The following COL12A1 variants were observed in gnomAD, a reference collection of about 807,000 sequenced individuals.
COL12A1 encodes collagen alpha-1(XII) chain.
In COL12A1, 114 loss-of-function variants were observed where a neutral mutation model predicts 349.7. That is an observed-to-expected ratio of 0.33 (90% CI 0.28 to 0.38). COL12A1 has a LOEUF of 0.38. Among genes scored for constraint, COL12A1 ranks in the 10% least tolerant of loss-of-function variants. The pLI is 1.00. For missense variants in COL12A1, 3,284 were observed against 3,756.9 expected (o/e 0.87, Z 3.29); for synonymous variants, 1,369 against 1,329.0 (o/e 1.03, Z -0.66).
chr6:75,117,620 T>A (rs1297437173), intron 46 of COL12A1, 74 bp from the exon 47 acceptor site: 6 of 1,500,704 alleles, frequency 4.0e-6, no homozygotes, highest in East Asian at 4.6e-5. Flanking sequence ...TGCAAAAAAA[T>A]TCTTATCAGA....
intron 8 of COL12A1, among the ~76,000 whole-genome samples, chr6:75,188,102 A>C (rs547394481): frequency 6.6e-6 from 1 of 152,286 alleles, no homozygotes; most frequent in East Asian, 1.9e-4. Context: ...CTTAAAGAAA[A>C]GAGTAAATCA....
intron 31 of COL12A1, among the ~76,000 whole-genome samples, chr6:75,136,431 T>C (rs903285721): frequency 1.3e-5 from 2 of 152,196 alleles, no homozygotes; most frequent in African/African-American, 4.8e-5. Flanking sequence ...GGAAGGTTTC[T>C]GATTCAGCTA....
chr6:75,182,050 T>G (rs1769334845), intron 10 of COL12A1, among the ~76,000 whole-genome samples: 1 of 148,414 alleles, frequency 6.7e-6, no homozygotes. Flanking sequence ...GAGCATAGAT[T>G]GCACCACTGC....
chr6:75,118,618 A>T (rs1225384593), intron 46 of COL12A1, among the ~76,000 whole-genome samples: 1 of 152,180 alleles, frequency 6.6e-6, no homozygotes, highest in Non-Finnish European at 1.5e-5. Flanking sequence ...AATACTCCTT[A>T]TTTGCAACAT....
chr6:75,180,569 T>TAC (rs1769208689), intron 11 of COL12A1, among the ~76,000 whole-genome samples: 1 of 151,922 alleles, frequency 6.6e-6, no homozygotes, highest in South Asian at 2.1e-4. Flanking sequence ...TACCTATATA[T>TAC]ACATATATAT....
chr6:75,188,211 G>A (rs905853968), intron 8 of COL12A1, 151 bp downstream of exon 8: 7 of 747,922 alleles, frequency 9.4e-6, no homozygotes, highest in Non-Finnish European at 1.4e-5. Context: ...GTATCAACAA[G>A]TTGAGTTGCT....
chr6:75,138,931 A>T lies in COL12A1; in HGVS notation c.4988T>A (p.Ile1663Asn). Residue 1663 changes from isoleucine (I) to asparagine (N), a missense_variant, in exon 28 of 66, where the codon ATT (isoleucine) becomes AAT (asparagine). By Grantham distance (149) the Ile-to-Asn change is moderately radical. Coordinates refer to ENST00000322507, the MANE Select transcript of COL12A1 (RefSeq NM_004370.6). ...RPVPAPTNLKITEVTSEGFRG... is the reference protein window; with the variant it reads ...RPVPAPTNLKNTEVTSEGFRG... ...GAAACCCTCTGATGTTACTTCAGTA[A>T]TCTTTAAGTTTGTTGGGGCTGGCAC... 1 of 1,614,066 alleles carries T rather than the reference A, an allele frequency of 6.2e-7. No individual in the cohort carries two copies.
At position 75,097,289 on chromosome 6, in the gene COL12A1, G is replaced by A. The variant is rs1768091831; in HGVS notation, c.8541C>T (p.Asp2847=). The change falls in exon 59 of 66, where the codon GAC becomes GAT. Residue 2847 remains aspartate (D), a synonymous_variant. Transcript: ENST00000322507. ...GTGGGCCCCTGGGTCCCATTGCACC[G>A]TCTTTTCCAGTGAAGCCCTATTGTA... ...PPGDRGFTGK[D]GAMGPRGPPG... is the part of the protein sequence containing the mutation. The A allele has an allele frequency of 1.2e-6, 2 of 1,613,460 alleles. No homozygotes were observed. Among genetic ancestry groups the A allele is most frequent in the African/African-American group, 2.7e-5 (2 of 74,878 alleles).
chr6:75,124,950 A>G (rs1765939988), intron 40 of COL12A1, among the ~76,000 whole-genome samples, 177 bp downstream of exon 40: 1 of 152,158 alleles, frequency 6.6e-6, no homozygotes, highest in Admixed American at 6.6e-5. Flanking sequence ...ATTTTTATAT[A>G]CTCAATTATA....
intron 34 of COL12A1, 125 bp downstream of exon 34, chr6:75,133,168 T>C: frequency 2.3e-6 from 2 of 865,406 alleles, no homozygotes; most frequent in Non-Finnish European, 3.3e-6. Flanking sequence ...AAACTATGGC[T>C]AATTTTTATG....
intron 13 of COL12A1, among the ~76,000 whole-genome samples, chr6:75,174,407 T>C (rs954607032): frequency 6.6e-5 from 10 of 152,046 alleles, no homozygotes; most frequent in Non-Finnish European, 1.3e-4. Context: ...ATACAAAAAA[T>C]TAGCCAGGCG....
intron 13 of COL12A1, among the ~76,000 whole-genome samples, chr6:75,167,794 C>G (rs1421179302): frequency 2.6e-5 from 4 of 152,206 alleles, no homozygotes; most frequent in Non-Finnish European, 5.9e-5. Flanking sequence ...TTAACACTCT[C>G]AAGACTTGTA....
At chr6:75,100,881 A>C (rs1428792920) in intron 58 of COL12A1, among the ~76,000 whole-genome samples, 1 of 152,220 alleles carries the variant, frequency 6.6e-6, no homozygotes, top group Non-Finnish European at 1.5e-5. Flanking sequence ...GATGCTGGAA[A>C]GTCATTAGTT....
chr6:75,095,778 G>A (rs1767994728), intron 59 of COL12A1, among the ~76,000 whole-genome samples: 1 of 152,048 alleles, frequency 6.6e-6, no homozygotes, highest in Non-Finnish European at 1.5e-5. Flanking sequence ...CACAATTTAA[G>A]ACTATGATCC....
chr6:75,128,412 C>T lies in COL12A1; in HGVS notation c.6224G>A (p.Gly2075Asp), dbSNP rs754228661. ...DPIDEYTTVPGRRNNVILQPL... is the reference protein window; with the variant it reads ...DPIDEYTTVPDRRNNVILQPL... ...CTGCAGTATTACATTGTTTCTTCTG[C>T]CTGGGACTGTGGTCTATAGAGGAAG... is the stretch of plus-strand genomic sequence containing the variant. Residue 2075 changes from glycine to aspartate, a missense_variant, in exon 38 of 66, where the codon GGC becomes GAC. Gly to Asp is a moderately conservative substitution (Grantham distance 94). Coordinates refer to ENST00000322507, the MANE Select transcript of COL12A1 (RefSeq NM_004370.6). 55 of 1,599,302 alleles carry T rather than the reference C, an allele frequency of 3.4e-5. No homozygotes were observed. In the Admixed American group the frequency reaches 3.8e-4, roughly 11 times the overall value.
At chr6:75,095,265 G>A in intron 59 of COL12A1, 86 bp from the exon 60 acceptor site, 1 of 986,358 alleles carries the variant, frequency 1.0e-6, no homozygotes, top group Non-Finnish European at 1.5e-6. Flanking sequence ...TTTTAAACGC[G>A]TTTAAATGAA....
At position 75,134,832 on chromosome 6, in the gene COL12A1, G is replaced by A; in HGVS notation, c.5418C>T (p.Asn1806=). The A allele has an allele frequency of 6.2e-7, 1 of 1,611,834 alleles. No individual in the cohort carries two copies. The highest frequency in any genetic ancestry group is 1.3e-5 in the African/African-American group (1 of 74,976). Residue 1806 remains asparagine, a synonymous_variant, in exon 32 of 66, where the codon AAC becomes AAT. Transcript: ENST00000322507. ...EQTTTIGGRQ[N]SVVLQKLKPD... ...GCTTCAGTTTCTGCAGGACCACACT[G>A]TTCTGCCGTCCTCCTATTGTGGTCT...
Position 75,138,961 on chromosome 6 carries a change from C to A in COL12A1, c.4958G>T (p.Arg1653Leu). 1 of 1,613,396 alleles carries A rather than the reference C, an allele frequency of 6.2e-7. No homozygotes were observed. Among genetic ancestry groups the A allele is most frequent in the Non-Finnish European group, 8.5e-7 (1 of 1,179,790 alleles). The change falls in exon 28 of 66, where the codon CGA (arginine) becomes CTA (leucine). Residue 1653 changes from arginine (R) to leucine (L), a missense_variant and splice_region_variant. By Grantham distance (102) the Arg-to-Leu change is moderately radical. This residue lies in a region of COL12A1 where 2,601 missense variants were observed against 2,824.8 expected (regional missense o/e 0.92). Transcript: ENST00000322507. ...TAAGTTTGTTGGGGCTGGCACGGGT[C>A]CTATCATGAGAAAAGGCAAGCAGAC... is the stretch of plus-strand genomic sequence containing the variant. Reference protein sequence around the residue: ...SPPVTAQETTRPVPAPTNLKI... With the variant: ...SPPVTAQETTLPVPAPTNLKI...
At chr6:75,139,512 C>T (rs906260022) in intron 27 of COL12A1, among the ~76,000 whole-genome samples, 4 of 152,164 alleles carry the variant, frequency 2.6e-5, no homozygotes, top group Non-Finnish European at 5.9e-5. Context: ...TTTAAAAACA[C>T]ACATACCACT....
Sources: allele counts gnomAD v4.1 joint callset (sites outside exome capture counted in the v4.1 genomes callset), GRCh38; gene constraint gnomAD v4.1.1; regional missense constraint gnomAD v4.1.1; transcripts MANE v1.5; gene names NCBI Gene and HGNC (gene_info 2026-07-23, HGNC 2026-07-21).